The following TENT4B variants were observed in gnomAD, a reference collection of about 807,000 sequenced individuals.
TENT4B encodes PAP associated domain containing 5.
In TENT4B, 10 loss-of-function variants were observed where a neutral mutation model predicts 75.0. The ratio of observed to expected loss-of-function variants is 0.13; its 90% CI spans 0.08 to 0.23. The LOEUF is 0.23. TENT4B is among the 10% of genes least tolerant of loss of function. TENT4B has a pLI of 1.00. For missense variants in TENT4B, 579 were observed against 893.8 expected, an observed-to-expected ratio of 0.65 and a Z score of 4.49; for synonymous variants, 350 against 357.7, an observed-to-expected ratio of 0.98 and a Z score of 0.24.
In TENT4B at chr16:50,234,622, C is replaced by T. The variant is rs1412861695; in HGVS notation, c.*5294C>T. The T allele has an allele frequency of 1.0e-6, 1 of 984,948 alleles. No homozygotes were observed. Among genetic ancestry groups the T allele is most frequent in the Non-Finnish European group, 1.2e-6 (1 of 829,650 alleles). The allele number at this position is 984,948 out of a possible 1,614,324, so 61.0% of individuals were successfully genotyped here. On this transcript the variant is annotated 3_prime_UTR_variant, in exon 12 of 12. Transcript: ENST00000561678. Reference sequence around the variant, plus strand: ...CCTCTCTGATTTTTGCATATTGAAACTTACAGAAGTCACTTTAAAAAAGTC... The same window carrying T: ...CCTCTCTGATTTTTGCATATTGAAATTTACAGAAGTCACTTTAAAAAAGTC...
chr16:50,227,545 C>T (rs1400856292), intron 10 of TENT4B, among the ~76,000 whole-genome samples: 1 of 152,224 alleles, frequency 6.6e-6, no homozygotes, highest in Non-Finnish European at 1.5e-5. Context: ...CTTTACCATA[C>T]TCTTTCATTT....
intron 1 of TENT4B, among the ~76,000 whole-genome samples, chr16:50,199,092 A>G (rs2030471050): frequency 6.6e-6 from 1 of 152,292 alleles, no homozygotes; most frequent in Admixed American, 6.5e-5. Flanking sequence ...GCCAGAGGAA[A>G]GGAGGTGTGG....
chr16:50,175,018 G>A (rs2038278655), intron 1 of TENT4B, among the ~76,000 whole-genome samples: 1 of 152,058 alleles, frequency 6.6e-6, no homozygotes, highest in Non-Finnish European at 1.5e-5. Context: ...CGGGATTACA[G>A]GGGTGAGCCA....
intron 1 of TENT4B, among the ~76,000 whole-genome samples, chr16:50,198,277 C>T (rs1409851278): frequency 3.3e-5 from 5 of 151,484 alleles, no homozygotes; most frequent in Admixed American, 6.6e-5. Flanking sequence ...AAATTAGCCA[C>T]GTGTGGTGGT....
rs184553213 is a variant in TENT4B at position 50,225,904 on chromosome 16, G to T, written c.1800+619G>T. Among the ~76,000 whole-genome samples, 195 of 151,910 alleles carry T rather than the reference G, an allele frequency of 1.3e-3. 1 individual carries two copies. Among genetic ancestry groups the T allele is most frequent in the Non-Finnish European group, 1.4e-3 (96 of 67,952 alleles). On this transcript the variant is annotated intron_variant, in intron 10 of 11. Coordinates refer to ENST00000561678, the MANE Select transcript of TENT4B (RefSeq NM_001365324.3). ...TCACCATGTTGGTCAGGCTGGTCCT[G>T]AACTCCTGATCTTGTGATCCACCCG...
intron 1 of TENT4B, among the ~76,000 whole-genome samples, chr16:50,200,809 T>TA (rs1183912606): frequency 6.6e-6 from 1 of 151,988 alleles, no homozygotes. Context: ...TTTTTTTTTT[T>TA]ATTGAGACAA....
upstream of TENT4B, chr16:50,153,078 G>A (rs751028410): frequency 1.1e-5 from 15 of 1,395,766 alleles, no homozygotes; most frequent in South Asian, 2.1e-4. Flanking sequence ...GTTGGGCCAG[G>A]CGGTTGCGGC....
chr16:50,234,407 T>A lies in TENT4B; in HGVS notation c.*5079T>A. The A allele has an allele frequency of 1.0e-6, 1 of 985,470 alleles. No individual in the cohort carries two copies. The highest frequency in any genetic ancestry group is 1.2e-6 in the Non-Finnish European group (1 of 829,950). The allele number at this position is 985,470 out of a possible 1,614,324, so 61.0% of individuals were successfully genotyped here. A position where few individuals can be genotyped will look rare whatever the true frequency, so the allele number is the denominator to read the frequency against. Reference sequence around the variant, plus strand: ...GCCTCTTAGAGGTTAGGCCATGCCTTTCAAAGAGAGTGAAATGATGGGTTA... The same window carrying A: ...GCCTCTTAGAGGTTAGGCCATGCCTATCAAAGAGAGTGAAATGATGGGTTA... On this transcript the variant is annotated 3_prime_UTR_variant, in exon 12 of 12. Coordinates refer to ENST00000561678, the MANE Select transcript of TENT4B (RefSeq NM_001365324.3).
chr16:50,225,070 G>A (rs780779942), intron 9 of TENT4B, 28 bp from the exon 10 acceptor site: 12 of 1,608,452 alleles, frequency 7.5e-6, no homozygotes, highest in Non-Finnish European at 9.4e-6. Context: ...GGGAAGAAAC[G>A]TTTTCCAATC....
intron 11 of TENT4B, among the ~76,000 whole-genome samples, chr16:50,228,770 A>T (rs2032168360): frequency 6.6e-6 from 1 of 152,248 alleles, no homozygotes; most frequent in South Asian, 2.1e-4. Flanking sequence ...CATGAGTAGC[A>T]GGAAGGGAGT....
intron 1 of TENT4B, among the ~76,000 whole-genome samples, chr16:50,187,404 G>A (rs868140230): frequency 6.6e-6 from 1 of 151,694 alleles, no homozygotes; most frequent in African/African-American, 2.4e-5. Flanking sequence ...CCAACATGCC[G>A]AAACCCTGTC....
chr16:50,193,084 A>T (rs1037201240), intron 1 of TENT4B, among the ~76,000 whole-genome samples: 1 of 152,164 alleles, frequency 6.6e-6, no homozygotes, highest in African/African-American at 2.4e-5. Flanking sequence ...ATGAATGAAT[A>T]CATTATTAGC....
chr16:50,193,377 G>A (rs990267745), intron 1 of TENT4B, among the ~76,000 whole-genome samples: 12 of 131,866 alleles, frequency 9.1e-5, no homozygotes, highest in South Asian at 2.5e-4. Flanking sequence ...TTGCTCTGTC[G>A]CCCAGGCTGG....
Position 50,153,689 on chromosome 16 carries a change from T to C in TENT4B, c.68T>C (p.Ile23Thr). 1 of 1,024,484 alleles carries C rather than the reference T, an allele frequency of 9.8e-7. No individual in the cohort carries two copies. The highest frequency in any genetic ancestry group is 1.2e-6 in the Non-Finnish European group (1 of 856,808). The allele number at this position is 1,024,484 out of a possible 1,614,324, so 63.5% of individuals were successfully genotyped here. A position where few individuals can be genotyped will look rare whatever the true frequency, so the allele number is the denominator to read the frequency against. ...CCGTCCAACAGTCTGTGGATGCAGATCTGGGAGACGACCCAGGGGCTGAGG... is the reference window on the plus strand; with the variant it reads ...CCGTCCAACAGTCTGTGGATGCAGACCTGGGAGACGACCCAGGGGCTGAGG... ...LGPSNSLWMQIWETTQGLRNL... is the reference protein window; with the variant it reads ...LGPSNSLWMQTWETTQGLRNL... The change falls in exon 1 of 12, where the codon ATC (isoleucine) becomes ACC (threonine). Residue 23 changes from isoleucine to threonine, a missense_variant. Physicochemically the swap from Ile to Thr is moderately conservative, Grantham distance 89. Coordinates refer to ENST00000561678, the MANE Select transcript of TENT4B (RefSeq NM_001365324.3).
rs543136613 is a variant in TENT4B at position 50,206,642 on chromosome 16, A to C, written c.639-4681A>C. 3.3e-5 allele frequency among the ~76,000 whole-genome samples: 5 copies of C among 152,210 alleles called. No homozygotes were observed. In the East Asian group the frequency reaches 7.7e-4, roughly 24 times the overall value. On this transcript the variant is annotated intron_variant, in intron 1 of 11. Coordinates refer to ENST00000561678, the MANE Select transcript of TENT4B (RefSeq NM_001365324.3). ...TGAGCCGCAGGGGACGGTGCTGAGC[A>C]GAGGGGCTGGCCGTGGGTCATCTGC... is the stretch of plus-strand genomic sequence containing the variant.
intron 1 of TENT4B, among the ~76,000 whole-genome samples, chr16:50,192,101 G>A (rs1352126177): frequency 1.3e-5 from 2 of 151,926 alleles, no homozygotes; most frequent in African/African-American, 2.4e-5. Flanking sequence ...AATTAGCCAC[G>A]CATGGTGGTA....
At chr16:50,225,849 A>AT (rs1159252994) in intron 10 of TENT4B, among the ~76,000 whole-genome samples, 2 of 151,190 alleles carry the variant, frequency 1.3e-5, no homozygotes, top group Non-Finnish European at 2.9e-5. Flanking sequence ...TACCCAGCTA[A>AT]TTTTTTGTAT....
At chr16:50,165,561 C>T (rs1307916329) in intron 1 of TENT4B, among the ~76,000 whole-genome samples, 6 of 152,236 alleles carry the variant, frequency 3.9e-5, no homozygotes, top group Admixed American at 3.3e-4. Flanking sequence ...GAAAGAAACT[C>T]TGAACCCATT....
At chr16:50,178,604 G>A (rs1234007252) in intron 1 of TENT4B, among the ~76,000 whole-genome samples, 2 of 152,092 alleles carry the variant, frequency 1.3e-5, no homozygotes, top group African/African-American at 2.4e-5. Context: ...AATACAATGG[G>A]CTACTATTAT....
Sources: gnomAD v4.1 joint callset for allele counts (sites outside exome capture counted in the v4.1 genomes callset) on GRCh38, gnomAD v4.1.1 for gene constraint, MANE v1.5 for transcripts, NCBI Gene and HGNC (gene_info 2026-07-23, HGNC 2026-07-21) for gene names.